POLE2: variants seen among roughly 807,000 people sequenced by gnomAD.
The protein encoded by POLE2 is DNA polymerase epsilon subunit 2.
POLE2 carries 56 observed loss-of-function variants against 79.4 expected under a neutral mutation model. That is an observed-to-expected ratio of 0.71 (90% CI 0.57 to 0.88). The LOEUF is 0.88. Among genes scored for constraint, POLE2 ranks in the 40% least tolerant of loss-of-function variants. The probability of loss-of-function intolerance (pLI) is 0.00; values close to 1 mark genes in which losing one functional copy is unlikely to be tolerated. For missense variants in POLE2, 598 were observed against 638.9 expected (o/e 0.94, Z 0.69); for synonymous variants, 212 against 214.0 (o/e 0.99, Z 0.08).
intron 10 of POLE2, 55 bp downstream of exon 10, chr14:49,663,260 C>A: frequency 1.2e-6 from 1 of 822,908 alleles, no homozygotes; most frequent in Non-Finnish European, 1.9e-6. Context: ...ATCTTACATT[C>A]ACTCCTGCCA....
chr14:49,678,330 G>A (rs1448080355), intron 3 of POLE2, among the ~76,000 whole-genome samples: 1 of 151,960 alleles, frequency 6.6e-6, no homozygotes, highest in Non-Finnish European at 1.5e-5. Flanking sequence ...ACCCCCAAGA[G>A]CAACACCTGG....
intron 3 of POLE2, chr14:49,677,803 C>A: frequency 1.6e-6 from 1 of 630,158 alleles, no homozygotes; most frequent in Admixed American, 3.7e-5. Context: ...TGACTGTGGA[C>A]CTGCAGCAGC....
At chr14:49,686,458 G>A (rs761719041) in intron 1 of POLE2, among the ~76,000 whole-genome samples, 4 of 152,102 alleles carry the variant, frequency 2.6e-5, no homozygotes, top group Non-Finnish European at 4.4e-5. Context: ...AGCTTGAAGC[G>A]AATGCTGTCT....
intron 5 of POLE2, among the ~76,000 whole-genome samples, chr14:49,671,256 C>G (rs1482262326): frequency 6.6e-6 from 1 of 152,140 alleles, no homozygotes; most frequent in Admixed American, 6.5e-5. Context: ...AACAACGAAT[C>G]CACAGTCTGA....
intron 15 of POLE2, among the ~76,000 whole-genome samples, chr14:49,653,113 A>G (rs886209249): frequency 6.6e-6 from 1 of 152,176 alleles, no homozygotes; most frequent in African/African-American, 2.4e-5. Context: ...GGTTAGGGAC[A>G]CTCGTGGGGA....
chr14:49,657,992 C>T (rs544865301), intron 10 of POLE2, among the ~76,000 whole-genome samples: 59 of 152,186 alleles, frequency 3.9e-4, no homozygotes, highest in African/African-American at 1.4e-3. Flanking sequence ...TTCAAATGCC[C>T]CCTCCCCACA....
At chr14:49,677,321 G>A in intron 3 of POLE2, 1 of 527,986 alleles carries the variant, frequency 1.9e-6, no homozygotes, top group Non-Finnish European at 3.5e-6. Flanking sequence ...AAAGGCCGAA[G>A]GACGATGGCA....
chr14:49,649,304 G>A lies in POLE2; in HGVS notation c.1497+961C>T, dbSNP rs45616433. On this transcript the variant is annotated intron_variant, in intron 17 of 18. Coordinates refer to ENST00000216367, the MANE Select transcript of POLE2 (RefSeq NM_002692.4). ...TGGGACTAGAGGCGCCCGCCACCTC[G>A]CCCAGCTAATTTTTTGTGTTTTTAG... Among the ~76,000 whole-genome samples, 619 of 150,968 alleles carry A rather than the reference G, an allele frequency of 4.1e-3. 2 individuals are homozygous for A. The highest frequency in any genetic ancestry group is 5.4e-3 in the Non-Finnish European group (367 of 67,828).
chr14:49,647,077 GA>G (rs1883830842), intron 18 of POLE2: 1 of 367,080 alleles, frequency 2.7e-6, no homozygotes, highest in South Asian at 6.9e-5. Flanking sequence ...ATTTCCCCCA[GA>G]AAACAGTTCT....
chr14:49,653,853 C>T, intron 15 of POLE2, 137 bp downstream of exon 15: 2 of 589,354 alleles, frequency 3.4e-6, no homozygotes, highest in Non-Finnish European at 3.1e-6. Flanking sequence ...CACTGTGTTG[C>T]CAAAGCTGGT....
chr14:49,660,925 A>G lies in POLE2; in HGVS notation c.755+2390T>C, dbSNP rs149123338. ...TTTGTGACCATGGACAAATTACCCA[A>G]CCCTTCTTTTTTGGGGGGTAGGGGG... On this transcript the variant is annotated intron_variant, in intron 10 of 18. Coordinates refer to ENST00000216367, the MANE Select transcript of POLE2 (RefSeq NM_002692.4). Among the ~76,000 whole-genome samples the G allele has an allele frequency of 3.6e-3, 543 of 151,914 alleles. 2 individuals are homozygous for G. Among genetic ancestry groups the G allele is most frequent in the African/African-American group, 9.1e-3 (377 of 41,448 alleles).
intron 10 of POLE2, among the ~76,000 whole-genome samples, chr14:49,657,692 G>A (rs774469644): frequency 1.3e-5 from 2 of 151,948 alleles, no homozygotes; most frequent in East Asian, 1.9e-4. Context: ...CACCCTCCTC[G>A]CCCTTCCGAA....
intron 11 of POLE2, 97 bp downstream of exon 11, chr14:49,655,574 A>G: frequency 1.2e-6 from 1 of 805,678 alleles, no homozygotes; most frequent in Non-Finnish European, 2.0e-6. Flanking sequence ...GTTTTTTTTT[A>G]AATAGAATAC....
chr14:49,687,754 G>A (rs1319869898), intron 1 of POLE2, among the ~76,000 whole-genome samples: 1 of 151,960 alleles, frequency 6.6e-6, no homozygotes. Context: ...GGATGGAGTA[G>A]AGTGGCACGA....
intron 5 of POLE2, among the ~76,000 whole-genome samples, chr14:49,670,773 G>A (rs983122761): frequency 6.6e-6 from 1 of 152,206 alleles, no homozygotes; most frequent in Non-Finnish European, 1.5e-5. Context: ...TTTTAAAAGA[G>A]GTGGGACATG....
chr14:49,650,177 A>G, intron 17 of POLE2, 88 bp downstream of exon 17: 1 of 652,032 alleles, frequency 1.5e-6, no homozygotes, highest in Non-Finnish European at 2.2e-6. Context: ...TACTTCGACA[A>G]TAATCTTATT....
At chr14:49,664,533 T>A in intron 9 of POLE2, 93 bp downstream of exon 9, 3 of 821,874 alleles carry the variant, frequency 3.7e-6, no homozygotes, top group Non-Finnish European at 6.3e-6. Flanking sequence ...ATTAATGGTA[T>A]CCCAAATTAT....
chr14:49,645,715 A>C (rs1455055935), intron 18 of POLE2, among the ~76,000 whole-genome samples: 1 of 152,124 alleles, frequency 6.6e-6, no homozygotes, highest in East Asian at 1.9e-4. Flanking sequence ...CTGACTCCCG[A>C]GCTCAAGTGA....
chr14:49,678,007 T>A (rs547095586), intron 3 of POLE2: 1,716 of 162,406 alleles, frequency 0.011, 34 homozygotes, highest in African/African-American at 0.038. Flanking sequence ...TATTTTATTT[T>A]TTTTTTTTTG....
Sources: allele counts gnomAD v4.1 joint callset (sites outside exome capture counted in the v4.1 genomes callset), GRCh38; gene constraint gnomAD v4.1.1; transcripts MANE v1.5; gene names NCBI Gene and HGNC (gene_info 2026-07-23, HGNC 2026-07-21).